POPDC3: variants seen among roughly 807,000 people sequenced by gnomAD.
The protein encoded by POPDC3 is popeye domain-containing protein 3.
POPDC3 carries 20 observed loss-of-function variants against 28.2 expected under a neutral mutation model. That is an observed-to-expected ratio of 0.71 (90% confidence interval 0.50 to 1.03). The LOEUF (loss-of-function observed/expected upper bound fraction) is 1.03. POPDC3 is among the 50% of genes least tolerant of loss of function. The pLI is 0.00. For missense variants in POPDC3, 316 were observed against 345.9 expected, an observed-to-expected ratio of 0.91 and a Z score of 0.69; for synonymous variants, 118 against 124.1, an observed-to-expected ratio of 0.95 and a Z score of 0.33.
intron 1 of POPDC3, among the ~76,000 whole-genome samples, chr6:105,165,548 T>C (rs534862846): frequency 2.2e-4 from 33 of 152,300 alleles, no homozygotes; most frequent in African/African-American, 7.9e-4. Context: ...ATGTAACAGA[T>C]ATTGTAACAT....
Position 105,158,291 on chromosome 6 carries a change from T to G in POPDC3, c.*179A>C. 1 of 525,702 alleles carries G rather than the reference T, an allele frequency of 1.9e-6. No individual in the cohort carries two copies. Among genetic ancestry groups the G allele is most frequent in the South Asian group, 4.2e-5 (1 of 24,050 alleles). The allele number at this position is 525,702 out of a possible 1,614,324, so 32.6% of individuals were successfully genotyped here. A position where few individuals can be genotyped will look rare whatever the true frequency, so the allele number is the denominator to read the frequency against. On this transcript the variant is annotated 3_prime_UTR_variant, in exon 4 of 4. Coordinates refer to ENST00000254765, the MANE Select transcript of POPDC3 (RefSeq NM_022361.5). ...ATAACAATGAGAAATACAAGAAAAA[T>G]TTGTAAAGTTTATTCACAATGCAGT...
Position 105,162,113 on chromosome 6 carries a change from C to A in POPDC3, c.-204G>T. ...AATCCCATGCTCGCTTCTTTAAGTT[C>A]ATCTGGGCTCCTGATTTGGATCCAG... On this transcript the variant is annotated 5_prime_UTR_variant, in exon 2 of 4. An upstream start codon of the reference 5' UTR is lost. Coordinates refer to ENST00000254765, the MANE Select transcript of POPDC3 (RefSeq NM_022361.5). 3 of 1,303,450 alleles carry A rather than the reference C, an allele frequency of 2.3e-6. No homozygotes were observed. The highest frequency in any genetic ancestry group is 7.3e-5 in the Admixed American group (2 of 27,282). The allele number at this position is 1,303,450 out of a possible 1,614,324, so 80.7% of individuals were successfully genotyped here.
intron 1 of POPDC3, among the ~76,000 whole-genome samples, chr6:105,170,552 C>T (rs1299340513): frequency 6.6e-6 from 1 of 152,184 alleles, no homozygotes; most frequent in Non-Finnish European, 1.5e-5. Context: ...AGGGGAGTCA[C>T]ATTAGGACTC....
At chr6:105,167,734 G>A (rs1009990415) in intron 1 of POPDC3, among the ~76,000 whole-genome samples, 6 of 127,442 alleles carry the variant, frequency 4.7e-5, no homozygotes, top group South Asian at 2.9e-4. Flanking sequence ...GCAACAGAGC[G>A]AGACTCAGCC....
chr6:105,178,836 AAAT>A, intron 1 of POPDC3: 1 of 985,426 alleles, frequency 1.0e-6, no homozygotes, highest in Non-Finnish European at 1.2e-6. Flanking sequence ...GAAGGAAAAA[AAAT>A]AGCCACTAAA....
intron 1 of POPDC3, among the ~76,000 whole-genome samples, chr6:105,175,317 T>TC (rs1774660803): frequency 7.1e-6 from 1 of 141,820 alleles, no homozygotes. Context: ...GGTGGGAGGA[T>TC]GCCTTGAGCC....
chr6:105,172,657 C>T (rs1382385523), intron 1 of POPDC3, among the ~76,000 whole-genome samples: 1 of 150,622 alleles, frequency 6.6e-6, no homozygotes, highest in African/African-American at 2.5e-5. Context: ...CAATGAGAGA[C>T]TGGATTAAGA....
intron 1 of POPDC3, among the ~76,000 whole-genome samples, chr6:105,179,350 A>AG (rs1274980681): frequency 6.6e-6 from 1 of 151,996 alleles, no homozygotes; most frequent in Admixed American, 6.5e-5. Flanking sequence ...GGGCGGGAGT[A>AG]GGGGGGAAGG....
intron 2 of POPDC3, among the ~76,000 whole-genome samples, chr6:105,160,524 AT>A (rs1251889074): frequency 2.6e-5 from 4 of 151,580 alleles, no homozygotes; most frequent in Non-Finnish European, 5.9e-5. Context: ...TGTAAGCCAC[AT>A]TTTTAACTTT....
Position 105,158,602 on chromosome 6 carries a change from G to T in POPDC3, c.744C>A (p.Asp248Glu), listed in dbSNP as rs1220104070. Residue 248 changes from aspartate (D) to glutamate (E), a missense_variant, in exon 4 of 4, where the codon GAC becomes GAA. Transcript: ENST00000254765. ...GATATCTTTTTCCTATATATACCCT[G>T]TCATTCAAGGCATAGAGTTTATCTG... ...DIADKLYALN[D>E]RVYIGKRYHY... The T allele has an allele frequency of 6.2e-7, 1 of 1,614,100 alleles. No homozygotes were observed. Among genetic ancestry groups the T allele is most frequent in the African/African-American group, 1.3e-5 (1 of 75,016 alleles).
chr6:105,162,179 G>C lies in POPDC3; in HGVS notation c.-251-19C>G, dbSNP rs1020101266. The stretch of plus-strand genomic sequence containing the variant: ...GTATTTCCTATGCAAGAGAAAAAAA[G>C]ATAAAGGATCTAATTAAACAAAAAG... On this transcript the variant is annotated intron_variant, in intron 1 of 3. Coordinates refer to ENST00000254765, the MANE Select transcript of POPDC3 (RefSeq NM_022361.5). The C allele has an allele frequency of 1.7e-6, 2 of 1,196,766 alleles. No individual in the cohort carries two copies. The highest frequency in any genetic ancestry group is 1.6e-5 in the African/African-American group (1 of 63,558). The allele number at this position is 1,196,766 out of a possible 1,614,324, so 74.1% of individuals were successfully genotyped here. A position where few individuals can be genotyped will look rare whatever the true frequency, so the allele number is the denominator to read the frequency against.
chr6:105,168,627 A>T (rs1014997898), intron 1 of POPDC3: 6 of 152,158 alleles, frequency 3.9e-5, no homozygotes, highest in Non-Finnish European at 8.8e-5. Flanking sequence ...CCTCTCCTTC[A>T]GTGTGGGCAG....
intron 1 of POPDC3, among the ~76,000 whole-genome samples, chr6:105,175,858 A>G (rs1240720186): frequency 7.3e-6 from 1 of 137,624 alleles, no homozygotes; most frequent in Non-Finnish European, 1.5e-5. Context: ...ATAAATAAAG[A>G]AAGAAAGAAT....
chr6:105,167,565 G>T (rs191795388), intron 1 of POPDC3, among the ~76,000 whole-genome samples: 1 of 152,088 alleles, frequency 6.6e-6, no homozygotes, highest in Admixed American at 6.6e-5. Context: ...TGGCCAACAT[G>T]GTGAGACCCC....
intron 1 of POPDC3, chr6:105,179,293 C>T (rs1774737879): frequency 5.1e-6 from 5 of 977,398 alleles, no homozygotes; most frequent in Non-Finnish European, 6.1e-6. Context: ...TCTGTGAGAA[C>T]AGTGTGAGAG....
At chr6:105,159,633 G>C in intron 3 of POPDC3, 78 bp downstream of exon 3, 1 of 801,836 alleles carries the variant, frequency 1.2e-6, no homozygotes, top group Admixed American at 2.1e-5. Context: ...ATCCACTGTT[G>C]TTTATTTGTT....
intron 1 of POPDC3, among the ~76,000 whole-genome samples, chr6:105,162,678 C>T (rs1774365157): frequency 1.3e-5 from 2 of 152,176 alleles, no homozygotes; most frequent in Non-Finnish European, 2.9e-5. Flanking sequence ...TTCAGTGAGC[C>T]GAGATCATCT....
At chr6:105,179,501 G>A (rs1030678758) in intron 1 of POPDC3, among the ~76,000 whole-genome samples, 2 of 152,308 alleles carry the variant, frequency 1.3e-5, no homozygotes, top group East Asian at 3.9e-4. Context: ...AGATCTGGGA[G>A]GAATATTCGC....
rs80067448 is a variant in POPDC3 at position 105,161,463 on chromosome 6, T to C, written c.447A>G (p.Lys149=). 8 of 1,613,940 alleles carry C rather than the reference T, an allele frequency of 5.0e-6. No homozygotes were observed. Among genetic ancestry groups the C allele is most frequent in the African/African-American group, 2.7e-5 (2 of 75,006 alleles). The stretch of plus-strand genomic sequence containing the variant: ...GCAAGGAGAGTTTATCAATGGAAGT[T>C]TTCCCCTGCATGGCATAACAGTGTT... ...EKEHCYAMQG[K]TSIDKLSLLV... Residue 149 remains lysine, a synonymous_variant, in exon 2 of 4, where the codon AAA becomes AAG. Transcript: ENST00000254765.
Sources: allele counts gnomAD v4.1 joint callset (sites outside exome capture counted in the v4.1 genomes callset), GRCh38; gene constraint gnomAD v4.1.1; transcripts MANE v1.5; gene names NCBI Gene and HGNC (gene_info 2026-07-23, HGNC 2026-07-21).